The following NRP2 variants were observed in gnomAD, a reference collection of about 807,000 sequenced individuals.
NRP2 encodes the protein neuropilin-2.
In NRP2, 52 loss-of-function variants were observed where a neutral mutation model predicts 110.4. That is an observed-to-expected ratio of 0.47 (90% CI 0.38 to 0.59). NRP2 has a LOEUF of 0.59. NRP2 is among the 20% of genes least tolerant of loss of function. The probability of loss-of-function intolerance (pLI) is 0.00; values close to 1 mark genes in which losing one functional copy is unlikely to be tolerated. For missense variants in NRP2, 1,049 were observed against 1,203.0 expected, an observed-to-expected ratio of 0.87 and a Z score of 1.89; for synonymous variants, 508 against 468.9, an observed-to-expected ratio of 1.08 and a Z score of -1.08.
chr2:205,690,534 G>A (rs1478203157), intron 1 of NRP2, among the ~76,000 whole-genome samples: 2 of 151,082 alleles, frequency 1.3e-5, no homozygotes, highest in African/African-American at 4.9e-5. Context: ...TCAGGAGTTC[G>A]AGACCAGCCT....
intron 7 of NRP2, among the ~76,000 whole-genome samples, chr2:205,734,797 A>C (rs950260476): frequency 7.2e-5 from 11 of 152,226 alleles, no homozygotes; most frequent in African/African-American, 2.7e-4. Context: ...ATTTTAAAAA[A>C]GAAGAGGAAC....
chr2:205,742,528 A>C (rs1327181086), intron 8 of NRP2, among the ~76,000 whole-genome samples: 1 of 152,212 alleles, frequency 6.6e-6, no homozygotes, highest in East Asian at 1.9e-4. Flanking sequence ...CTTGGGGGTA[A>C]GAAAATGTTA....
rs184036688 is a variant in NRP2 at position 205,794,300 on chromosome 2, C to G, written c.2477-454C>G. On this transcript the variant is annotated intron_variant, in intron 16 of 16. Transcript: ENST00000357785. ...TAATTTTTTGTATTTTTAGTAGAGA[C>G]GGGGTTTCACCGTGTTAGCCAGGAT... Among the ~76,000 whole-genome samples the G allele has an allele frequency of 2.6e-5, 4 of 152,082 alleles. No individual in the cohort carries two copies. The East Asian group carries it at 7.7e-4, about 29-fold the overall frequency.
intron 15 of NRP2, among the ~76,000 whole-genome samples, chr2:205,769,060 C>T (rs1392724189): frequency 6.6e-6 from 1 of 152,114 alleles, no homozygotes; most frequent in Non-Finnish European, 1.5e-5. Context: ...TTCCATCTAA[C>T]CTAGTGACTC....
At chr2:205,735,471 TTA>T (rs1334785424) in intron 7 of NRP2, among the ~76,000 whole-genome samples, 3 of 148,042 alleles carry the variant, frequency 2.0e-5, no homozygotes, top group Non-Finnish European at 4.5e-5. Flanking sequence ...ATATATATAA[TTA>T]TATATATAAT....
chr2:205,740,392 A>G, intron 7 of NRP2, 127 bp from the exon 8 acceptor site: 2 of 939,458 alleles, frequency 2.1e-6, no homozygotes, highest in South Asian at 1.3e-5. Flanking sequence ...CAACATACCC[A>G]CTGATTATTT....
At chr2:205,688,465 T>A (rs1449685121) in intron 1 of NRP2, among the ~76,000 whole-genome samples, 1 of 152,204 alleles carries the variant, frequency 6.6e-6, no homozygotes, top group Non-Finnish European at 1.5e-5. Flanking sequence ...TCTGCCTTGA[T>A]GAGAAATGGT....
chr2:205,791,770 C>T (rs1470176880), intron 15 of NRP2, among the ~76,000 whole-genome samples: 2 of 152,198 alleles, frequency 1.3e-5, no homozygotes, highest in African/African-American at 4.8e-5. Flanking sequence ...AACAAGACTT[C>T]CTTAAACTAC....
At position 205,752,483 on chromosome 2, in the gene NRP2, C is replaced by T. The variant is rs191406828; in HGVS notation, c.1904-352C>T. 5.7e-4 allele frequency: 195 copies of T among 341,544 alleles called. 5 individuals are homozygous for T. The highest frequency in any genetic ancestry group is 4.3e-4 in the Admixed American group (10 of 23,174). 21.2% of individuals were successfully genotyped at this position (341,544 alleles called of 1,614,324 possible). A position where few individuals can be genotyped will look rare whatever the true frequency, so the allele number is the denominator to read the frequency against. On this transcript the variant is annotated intron_variant, in intron 11 of 16. Coordinates refer to ENST00000357785, the MANE Select transcript of NRP2 (RefSeq NM_003872.3). ...TGGGAGCCAGCCTTCCACCAGGGCA[C>T]TGGGGAGACATTCTTCTCTGGCATT...
intron 11 of NRP2, chr2:205,752,571 C>G: frequency 2.1e-6 from 1 of 484,850 alleles, no homozygotes; most frequent in Non-Finnish European, 3.8e-6. Context: ...CTGATTAGAG[C>G]CTGAAGCCAT....
chr2:205,741,104 GC>G (rs1252225986), intron 8 of NRP2, among the ~76,000 whole-genome samples: 1 of 152,184 alleles, frequency 6.6e-6, no homozygotes, highest in Non-Finnish European at 1.5e-5. Context: ...TCAACCGGGG[GC>G]CAAGAGCTGT....
intron 15 of NRP2, among the ~76,000 whole-genome samples, chr2:205,775,038 G>A (rs557621065): frequency 1.1e-4 from 17 of 152,318 alleles, no homozygotes; most frequent in African/African-American, 4.1e-4. Flanking sequence ...GCATGAAGGA[G>A]CCCGCAGCAC....
At chr2:205,777,873 C>A (rs757603411) in intron 15 of NRP2, 2 of 152,070 alleles carry the variant, frequency 1.3e-5, no homozygotes, top group Admixed American at 1.3e-4. Flanking sequence ...GCAAATAGAC[C>A]CTTGTAGGCT....
intron 1 of NRP2, among the ~76,000 whole-genome samples, chr2:205,685,095 AGTGT>A (rs993057215): frequency 1.3e-5 from 2 of 152,038 alleles, no homozygotes; most frequent in African/African-American, 4.8e-5. Flanking sequence ...CGCTGCTTGG[AGTGT>A]GTGTACGTGT....
intron 8 of NRP2, among the ~76,000 whole-genome samples, chr2:205,742,155 G>T (rs1444118143): frequency 6.6e-6 from 1 of 152,172 alleles, no homozygotes; most frequent in Admixed American, 6.5e-5. Context: ...TTGAAGAAGG[G>T]GAACAACGTG....
At chr2:205,716,470 G>A in intron 3 of NRP2, 96 bp downstream of exon 3, 2 of 1,274,948 alleles carry the variant, frequency 1.6e-6, no homozygotes, top group Non-Finnish European at 2.3e-6. Flanking sequence ...AAGGGTGACA[G>A]TGTCATCCAG....
intron 11 of NRP2, chr2:205,752,378 T>C (rs537393928): frequency 5.1e-5 from 12 of 236,296 alleles, no homozygotes; most frequent in Non-Finnish European, 9.2e-5. Context: ...CTCCCAGGGA[T>C]TTCAGTCTCT....
Position 205,749,748 on chromosome 2 carries a change from C to T in NRP2, c.1810C>T (p.Leu604=). 6.2e-7 allele frequency: 1 copy of T among 1,614,176 alleles called. No homozygotes were observed. The highest frequency in any genetic ancestry group is 1.1e-5 in the South Asian group (1 of 91,086). Reference sequence around the variant, plus strand: ...AGACTCCAAGCCCACGGTAGAGACGCTGGGACCCACTGTGAAGAGCGAAGA... The same window carrying T: ...AGACTCCAAGCCCACGGTAGAGACGTTGGGACCCACTGTGAAGAGCGAAGA... ...WTDSKPTVET[L]GPTVKSEETT... is the part of the protein sequence containing the mutation. Residue 604 remains leucine, a synonymous_variant, in exon 11 of 17, where the codon CTG becomes TTG. Coordinates refer to ENST00000357785, the MANE Select transcript of NRP2 (RefSeq NM_003872.3).
chr2:205,768,910 GT>G (rs1385584604), intron 15 of NRP2, among the ~76,000 whole-genome samples: 1 of 152,214 alleles, frequency 6.6e-6, no homozygotes, highest in Non-Finnish European at 1.5e-5. Flanking sequence ...ACCTTGGCAC[GT>G]TTTACATGGA....
Sources: gnomAD v4.1 joint callset for allele counts (sites outside exome capture counted in the v4.1 genomes callset) on GRCh38, gnomAD v4.1.1 for gene constraint, MANE v1.5 for transcripts, NCBI Gene and HGNC (gene_info 2026-07-23, HGNC 2026-07-21) for gene names.